COPG2: variants seen among roughly 807,000 people sequenced by gnomAD.
COPG2 encodes coat protein complex I subunit gamma 2.
Under a neutral mutation model 46.3 loss-of-function variants are expected in COPG2, and 37 were observed. The ratio of observed to expected loss-of-function variants is 0.80; its 90% CI spans 0.61 to 1.05. The LOEUF is 1.05. COPG2 is among the 50% of genes least tolerant of loss of function. COPG2 has a pLI of 0.00. For synonymous variants in COPG2, 159 were observed against 129.7 expected (o/e 1.23, Z -1.53); for missense variants, 427 against 387.8 (o/e 1.10, Z -0.85).
At chr7:130,533,744 C>T (rs1799850948) in intron 20 of COPG2, among the ~76,000 whole-genome samples, 1 of 152,056 alleles carries the variant, frequency 6.6e-6, no homozygotes, top group Admixed American at 6.6e-5. Context: ...CCTGAGTGCA[C>T]TGACTGACCC....
intron 5 of COPG2, among the ~76,000 whole-genome samples, chr7:130,644,860 G>A (rs528597440): frequency 1.9e-4 from 29 of 152,128 alleles, no homozygotes; most frequent in African/African-American, 7.0e-4. Flanking sequence ...TCACAAGTTC[G>A]AGACCAACCT....
At chr7:130,561,265 T>C in intron 11 of COPG2, 44 bp from the exon 12 acceptor site, 1 of 398,454 alleles carries the variant, frequency 2.5e-6, no homozygotes, top group Admixed American at 4.4e-5. Context: ...TTGCTTTTGA[T>C]AAAGGCCAGA....
At position 130,666,904 on chromosome 7, in the gene COPG2, A is replaced by T. The variant is rs1554461527; in HGVS notation, c.116T>A (p.Ile39Asn). Residue 39 changes from isoleucine to asparagine, a missense_variant, in exon 3 of 24, where the codon ATC (isoleucine) becomes AAC (asparagine). Physicochemically the swap from Ile to Asn is moderately radical, Grantham distance 149. Transcript: ENST00000425248. ...QEARIFNETP[I>N]NPRRCLHILT... is the part of the protein sequence containing the mutation. ...AATATGCAAACATCTTCTTGGATTG[A>T]TTGGAGTTTCATTGAATATACGAGC... 6.4e-7 allele frequency: 1 copy of T among 1,565,946 alleles called. No individual in the cohort carries two copies. The highest frequency in any genetic ancestry group is 8.7e-7 in the Non-Finnish European group (1 of 1,146,894).
chr7:130,657,807 GA>G (rs1795886816), intron 4 of COPG2, among the ~76,000 whole-genome samples: 3 of 150,040 alleles, frequency 2.0e-5, no homozygotes, highest in Non-Finnish European at 4.4e-5. Context: ...TCAGTCATTG[GA>G]AAAATGCAAA....
At chr7:130,661,629 C>T (rs1303177475) in intron 4 of COPG2, among the ~76,000 whole-genome samples, 2 of 152,086 alleles carry the variant, frequency 1.3e-5, no homozygotes, top group Admixed American at 1.3e-4. Flanking sequence ...ACTAGTAGTC[C>T]ACAGCATGCA....
At chr7:130,514,055 T>G (rs1278283691) in intron 20 of COPG2, among the ~76,000 whole-genome samples, 2 of 152,186 alleles carry the variant, frequency 1.3e-5, no homozygotes, top group Non-Finnish European at 2.9e-5. Flanking sequence ...GAATGGGAAA[T>G]CTTGTAAACC....
intron 4 of COPG2, among the ~76,000 whole-genome samples, chr7:130,662,329 T>C (rs1795995716): frequency 6.6e-6 from 1 of 152,110 alleles, no homozygotes; most frequent in Non-Finnish European, 1.5e-5. Context: ...TGATATGCAA[T>C]ACATACCAAA....
intron 20 of COPG2, among the ~76,000 whole-genome samples, chr7:130,545,067 G>A (rs1793415700): frequency 2.0e-5 from 3 of 152,210 alleles, no homozygotes; most frequent in African/African-American, 2.4e-5. Flanking sequence ...TTGAACTCTG[G>A]AAGACTTGAT....
At chr7:130,570,667 T>C (rs1049344936) in intron 9 of COPG2, among the ~76,000 whole-genome samples, 1 of 151,922 alleles carries the variant, frequency 6.6e-6, no homozygotes, top group Non-Finnish European at 1.5e-5. Context: ...AATACCACCA[T>C]CATTCTTCAC....
intron 20 of COPG2, chr7:130,511,950 C>G (rs1584959185): frequency 2.2e-6 from 1 of 460,878 alleles, no homozygotes; most frequent in East Asian, 6.7e-5. Flanking sequence ...TGCAGTGGCT[C>G]ACGCCTGTAA....
chr7:130,661,011 C>G (rs1447658634), intron 4 of COPG2, among the ~76,000 whole-genome samples: 1 of 152,180 alleles, frequency 6.6e-6, no homozygotes, highest in African/African-American at 2.4e-5. Flanking sequence ...TATCTCTAAG[C>G]CTTCAGTGCT....
chr7:130,608,969 C>G (rs1205526851), intron 9 of COPG2, among the ~76,000 whole-genome samples: 1 of 152,004 alleles, frequency 6.6e-6, no homozygotes, highest in African/African-American at 2.4e-5. Flanking sequence ...CCCAGCCTCC[C>G]ATGCTCAACC....
chr7:130,644,732 G>A (rs1261821006), intron 5 of COPG2, among the ~76,000 whole-genome samples: 2 of 152,166 alleles, frequency 1.3e-5, no homozygotes, highest in Admixed American at 1.3e-4. Context: ...GTTGGTGCCA[G>A]ATATTTCCCA....
intron 7 of COPG2, among the ~76,000 whole-genome samples, chr7:130,612,901 G>A (rs1794878929): frequency 6.6e-6 from 1 of 152,130 alleles, no homozygotes; most frequent in Admixed American, 6.5e-5. Flanking sequence ...AGGTCATAAA[G>A]AAGATTTTAA....
At chr7:130,557,408 G>A (rs903493281) in intron 12 of COPG2, among the ~76,000 whole-genome samples, 2,478 of 152,222 alleles carry the variant, frequency 0.016, 66 homozygotes, top group African/African-American at 0.057. Context: ...AACATCATCA[G>A]GATATGTATT....
chr7:130,605,948 C>G lies in COPG2; in HGVS notation c.737+5005G>C, dbSNP rs377098439. ...AGTGAAGTGTTACTGCGACAAATAC[C>G]TCAAATTGTAGAACTGACTGGAATT... On this transcript the variant is annotated intron_variant, in intron 9 of 23. Coordinates refer to ENST00000425248, the MANE Select transcript of COPG2 (RefSeq NM_012133.6). Among the ~76,000 whole-genome samples the G allele has an allele frequency of 3.3e-5, 5 of 152,254 alleles. No homozygotes were observed. The East Asian group carries it at 7.7e-4, about 24-fold the overall frequency.
chr7:130,657,457 G>A (rs958813198), intron 4 of COPG2, among the ~76,000 whole-genome samples: 1 of 152,020 alleles, frequency 6.6e-6, no homozygotes, highest in East Asian at 1.9e-4. Context: ...GGAGAAAATC[G>A]TTGTCCCCTT....
At chr7:130,522,874 T>G (rs1279529945) in intron 20 of COPG2, among the ~76,000 whole-genome samples, 1 of 150,484 alleles carries the variant, frequency 6.6e-6, no homozygotes, top group Non-Finnish European at 1.5e-5. Context: ...GGCTCCAGGC[T>G]TGGGAGGCCA....
chr7:130,574,032 G>A (rs1331311827), intron 9 of COPG2, among the ~76,000 whole-genome samples: 2 of 152,018 alleles, frequency 1.3e-5, no homozygotes, highest in African/African-American at 4.8e-5. Context: ...TACACACAAA[G>A]CTTTATATAT....
Sources: gnomAD v4.1 joint callset for allele counts (sites outside exome capture counted in the v4.1 genomes callset) on GRCh38, gnomAD v4.1.1 for gene constraint, MANE v1.5 for transcripts, NCBI Gene and HGNC (gene_info 2026-07-23, HGNC 2026-07-21) for gene names.